Variants in MAGI1 observed in about 807,000 individuals in gnomAD.
MAGI1 encodes the protein membrane associated guanylate kinase, WW and PDZ domain containing 1.
MAGI1 carries 58 observed loss-of-function variants against 139.9 expected under a neutral mutation model. The ratio of observed to expected loss-of-function variants is 0.41; its 90% CI spans 0.34 to 0.52. MAGI1 has a LOEUF of 0.52. MAGI1 is among the 20% of genes least tolerant of loss of function. MAGI1 has a pLI of 0.12. For missense variants in MAGI1, 1,874 were observed against 1,901.6 expected, an observed-to-expected ratio of 0.99 and a Z score of 0.27; for synonymous variants, 812 against 737.9, an observed-to-expected ratio of 1.10 and a Z score of -1.63.
intron 1 of MAGI1, among the ~76,000 whole-genome samples, chr3:65,769,159 G>T (rs1486566558): frequency 6.6e-6 from 1 of 152,084 alleles, no homozygotes; most frequent in African/African-American, 2.4e-5. Context: ...AAAAGTTGTC[G>T]ATCTGTTTTT....
intron 1 of MAGI1, among the ~76,000 whole-genome samples, chr3:65,839,426 T>C (rs2058733321): frequency 6.6e-6 from 1 of 151,938 alleles, no homozygotes; most frequent in Non-Finnish European, 1.5e-5. Context: ...TAATTGACTG[T>C]AAAACAGCCT....
chr3:65,460,544 T>C (rs1949707281), intron 5 of MAGI1, among the ~76,000 whole-genome samples: 1 of 152,134 alleles, frequency 6.6e-6, no homozygotes. Flanking sequence ...ACTTATTTCT[T>C]CTTCTTTTTT....
At chr3:65,748,862 C>T (rs2035908505) in intron 1 of MAGI1, among the ~76,000 whole-genome samples, 1 of 151,800 alleles carries the variant, frequency 6.6e-6, no homozygotes, top group Admixed American at 6.6e-5. Flanking sequence ...GCACTTAAGA[C>T]TGGTGAAATG....
chr3:65,707,425 C>T (rs572500775), intron 1 of MAGI1, among the ~76,000 whole-genome samples: 6 of 152,196 alleles, frequency 3.9e-5, no homozygotes, highest in Non-Finnish European at 5.9e-5. Flanking sequence ...GCCACAGCGG[C>T]TCCCTATCCC....
chr3:65,990,560 C>T, intron 1 of MAGI1, among the ~76,000 whole-genome samples: 1 of 152,118 alleles, frequency 6.6e-6, no homozygotes, highest in Non-Finnish European at 1.5e-5. Context: ...CATGATGTTC[C>T]TTTGAGCCGG....
intron 1 of MAGI1, among the ~76,000 whole-genome samples, chr3:65,649,914 T>A (rs535464504): frequency 1.3e-5 from 2 of 152,168 alleles, no homozygotes; most frequent in Non-Finnish European, 2.9e-5. Context: ...GATGTTAAAA[T>A]GATATAGGCA....
chr3:65,708,944 C>T (rs904200997), intron 1 of MAGI1, among the ~76,000 whole-genome samples: 1 of 152,164 alleles, frequency 6.6e-6, no homozygotes, highest in African/African-American at 2.4e-5. Flanking sequence ...TCTCCCAATG[C>T]CTCACAAATT....
At chr3:65,381,388 G>C (rs1014224501) in intron 16 of MAGI1, among the ~76,000 whole-genome samples, 2 of 151,534 alleles carry the variant, frequency 1.3e-5, no homozygotes, top group Non-Finnish European at 2.9e-5. Context: ...AGCTGACCTA[G>C]AACTGGCCAG....
intron 2 of MAGI1, among the ~76,000 whole-genome samples, chr3:65,495,732 G>T (rs1165282720): frequency 6.6e-6 from 1 of 152,164 alleles, no homozygotes; most frequent in Non-Finnish European, 1.5e-5. Flanking sequence ...TGGAGGGAGG[G>T]AGCAAGGGAG....
intron 1 of MAGI1, among the ~76,000 whole-genome samples, chr3:65,648,641 C>A (rs1400983656): frequency 6.6e-6 from 1 of 152,124 alleles, no homozygotes; most frequent in African/African-American, 2.4e-5. Context: ...GTATAATTCT[C>A]TTCAAACTGC....
intron 1 of MAGI1, among the ~76,000 whole-genome samples, chr3:65,634,324 G>C (rs986965760): frequency 6.6e-6 from 1 of 152,218 alleles, no homozygotes; most frequent in Non-Finnish European, 1.5e-5. Context: ...TCAAGTTCTT[G>C]TACTTGCAAA....
chr3:65,450,017 A>G (rs369957717), intron 6 of MAGI1, among the ~76,000 whole-genome samples: 5 of 152,340 alleles, frequency 3.3e-5, no homozygotes, highest in South Asian at 2.1e-4. Context: ...CACGTGACAT[A>G]CAGAAATTAT....
At chr3:65,414,980 G>C (rs1946084572) in intron 12 of MAGI1, among the ~76,000 whole-genome samples, 1 of 131,422 alleles carries the variant, frequency 7.6e-6, no homozygotes, top group Non-Finnish European at 1.5e-5. Context: ...GGTGAGCCGA[G>C]ATCATGCCAT....
chr3:65,449,235 G>A (rs146238634), intron 6 of MAGI1, among the ~76,000 whole-genome samples: 2 of 152,018 alleles, frequency 1.3e-5, no homozygotes, highest in Non-Finnish European at 2.9e-5. Context: ...TAACAAACCT[G>A]CACGTTGTGC....
rs558105339 is a variant in MAGI1 at position 65,589,959 on chromosome 3, T to C, written c.430+32013A>G. On this transcript the variant is annotated intron_variant, in intron 2 of 22. Coordinates refer to ENST00000402939, the MANE Select transcript of MAGI1 (RefSeq NM_001033057.2). ...TGTCCATCCCCGAGTCTGTGTCTCA[T>C]AACTCTTAAAATTGCACACTCAACG... Among the ~76,000 whole-genome samples the C allele has an allele frequency of 1.1e-4, 16 of 152,294 alleles. No homozygotes were observed. In the South Asian group the frequency reaches 2.1e-3, roughly 20 times the overall value.
chr3:65,752,879 T>A (rs559642079), intron 1 of MAGI1, among the ~76,000 whole-genome samples: 15 of 152,292 alleles, frequency 9.8e-5, no homozygotes, highest in South Asian at 2.1e-4. Context: ...TGATATCTCC[T>A]CTTAGTCATT....
At chr3:65,424,078 C>A (rs1354995536) in intron 12 of MAGI1, among the ~76,000 whole-genome samples, 1 of 152,132 alleles carries the variant, frequency 6.6e-6, no homozygotes, top group East Asian at 1.9e-4. Flanking sequence ...ACAATGAAGT[C>A]TTGAAAGGTT....
At chr3:65,461,185 T>C (rs556372900) in intron 5 of MAGI1, among the ~76,000 whole-genome samples, 2 of 152,144 alleles carry the variant, frequency 1.3e-5, no homozygotes, top group Non-Finnish European at 2.9e-5. Context: ...AGCATCTCTC[T>C]GGCATCTGTT....
intron 1 of MAGI1, chr3:65,873,842 A>G (rs1444181287): frequency 6.6e-6 from 1 of 152,262 alleles, no homozygotes; most frequent in African/African-American, 2.4e-5. Context: ...ACCTAAATGT[A>G]AAACCTAAAA....
Sources: allele counts gnomAD v4.1 joint callset (sites outside exome capture counted in the v4.1 genomes callset), GRCh38; gene constraint gnomAD v4.1.1; transcripts MANE v1.5; gene names NCBI Gene and HGNC (gene_info 2026-07-23, HGNC 2026-07-21).